The following RPS6KB1 variants were observed in gnomAD, a reference collection of about 807,000 sequenced individuals.
RPS6KB1 encodes the protein ribosomal protein S6 kinase beta-1.
In RPS6KB1, 12 loss-of-function variants were observed where a neutral mutation model predicts 70.2. That is an observed-to-expected ratio of 0.17 (90% CI 0.11 to 0.28). RPS6KB1 has a LOEUF of 0.28. Ranked by LOEUF, RPS6KB1 falls within the 10% of genes least tolerant of loss-of-function variation. The pLI, the probability that RPS6KB1 is intolerant of heterozygous loss-of-function variation, is 1.00. For missense variants in RPS6KB1, 270 were observed against 646.6 expected (o/e 0.42, Z 6.32); for synonymous variants, 175 against 211.2 (o/e 0.83, Z 1.49).
intron 1 of RPS6KB1, among the ~76,000 whole-genome samples, chr17:59,901,625 GAAAAAAA>G (rs58530265): frequency 3.8e-5 from 3 of 79,192 alleles, no homozygotes; most frequent in East Asian, 2.9e-4. Context: ...CCCTGTCTCT[GAAAAAAA>G]AAAAAAAAAA....
At chr17:59,928,916 A>T (rs974690412) in intron 5 of RPS6KB1, among the ~76,000 whole-genome samples, 5 of 152,194 alleles carry the variant, frequency 3.3e-5, no homozygotes, top group Admixed American at 2.6e-4. Context: ...CATTGAAGTG[A>T]CATTGTGTCC....
intron 1 of RPS6KB1, among the ~76,000 whole-genome samples, chr17:59,902,012 T>TAAAA (rs759292909): frequency 3.8e-5 from 2 of 53,034 alleles, no homozygotes; most frequent in Non-Finnish European, 3.8e-5. Context: ...AACCTGTCTC[T>TAAAA]AAAAAAAAAA....
At chr17:59,941,826 G>A (rs573148866) in intron 13 of RPS6KB1, among the ~76,000 whole-genome samples, 6 of 147,304 alleles carry the variant, frequency 4.1e-5, no homozygotes, top group Non-Finnish European at 7.5e-5. Context: ...TAGAGACAGG[G>A]TTTCACCATG....
chr17:59,935,374 A>G (rs1379026758), intron 10 of RPS6KB1, 74 bp downstream of exon 10: 5 of 793,206 alleles, frequency 6.3e-6, no homozygotes, highest in Non-Finnish European at 1.0e-5. Flanking sequence ...TTTAATGTAT[A>G]TTTTGAATAA....
chr17:59,937,838 A>G (rs1262297991), intron 12 of RPS6KB1, among the ~76,000 whole-genome samples: 5 of 152,190 alleles, frequency 3.3e-5, no homozygotes, highest in Admixed American at 6.5e-5. Flanking sequence ...ACCCATAACA[A>G]TATGTTTGTG....
Position 59,947,500 on chromosome 17 carries a change from G to T in RPS6KB1, c.*712G>T. The T allele has an allele frequency of 6.6e-7, 1 of 1,509,544 alleles. No homozygotes were observed. Among genetic ancestry groups the T allele is most frequent in the Non-Finnish European group, 8.9e-7 (1 of 1,123,812 alleles). 93.5% of individuals were successfully genotyped at this position (1,509,544 alleles called of 1,614,324 possible). A position where few individuals can be genotyped will look rare whatever the true frequency, so the allele number is the denominator to read the frequency against. On this transcript the variant is annotated 3_prime_UTR_variant, in exon 15 of 15. Transcript: ENST00000225577. ...TCGTTTGAGGGATTGGGGTGGACCT[G>T]GGGTTTATTTTCAGTAACCCAGCTG... is the stretch of plus-strand genomic sequence containing the variant.
At chr17:59,926,689 C>T in intron 5 of RPS6KB1, 107 bp downstream of exon 5, 1 of 943,266 alleles carries the variant, frequency 1.1e-6, no homozygotes, top group Non-Finnish European at 1.6e-6. Flanking sequence ...TCAAATAGTG[C>T]TTAAAATTGA....
At chr17:59,939,364 C>T (rs367670964) in intron 12 of RPS6KB1, among the ~76,000 whole-genome samples, 1 of 152,284 alleles carries the variant, frequency 6.6e-6, no homozygotes, top group East Asian at 1.9e-4. Context: ...CTACTGCAGC[C>T]TTGACTTCCC....
intron 1 of RPS6KB1, among the ~76,000 whole-genome samples, chr17:59,897,770 G>C (rs1411134000): frequency 6.6e-6 from 1 of 152,068 alleles, no homozygotes; most frequent in African/African-American, 2.4e-5. Flanking sequence ...CAGGAGACCA[G>C]CCTGGCCAAT....
At chr17:59,936,399 G>T (rs184350058) in intron 11 of RPS6KB1, 65 bp from the exon 12 acceptor site, 341 of 1,544,304 alleles carry the variant, frequency 2.2e-4, no homozygotes, top group Middle Eastern at 3.4e-4. Flanking sequence ...TCAAAAAGGT[G>T]ATTAATTTAT....
At chr17:59,924,898 G>C (rs532522989) in intron 4 of RPS6KB1, among the ~76,000 whole-genome samples, 1 of 151,124 alleles carries the variant, frequency 6.6e-6, no homozygotes, top group African/African-American at 2.4e-5. Context: ...GCGTGATCTC[G>C]GCTCACTGCA....
rs1258659999 is a variant in RPS6KB1, at chr17:59,926,871, G to A, written c.529+289G>A. 2.6e-5 allele frequency among the ~76,000 whole-genome samples: 4 copies of A among 152,120 alleles called. No homozygotes were observed. In the East Asian group the frequency reaches 7.7e-4, roughly 29 times the overall value. On this transcript the variant is annotated intron_variant, in intron 5 of 14. Coordinates refer to ENST00000225577, the MANE Select transcript of RPS6KB1 (RefSeq NM_003161.4). ...CTAAGTGATGCAGAGCCATCAAATT[G>A]TAGTGGGGTAAGATACTGTAATTTA...
At chr17:59,945,332 C>G (rs767415634) in intron 13 of RPS6KB1, 74 bp from the exon 14 acceptor site, 2 of 763,518 alleles carry the variant, frequency 2.6e-6, no homozygotes, top group Non-Finnish European at 4.6e-6. Flanking sequence ...GTAGGTATGT[C>G]AGACTGAACA....
Position 59,939,684 on chromosome 17 carries a change from A to G in RPS6KB1, c.1120-1152A>G, listed in dbSNP as rs139835367. 2.2e-3 allele frequency among the ~76,000 whole-genome samples: 335 copies of G among 152,286 alleles called. 2 individuals carry two copies. The highest frequency in any genetic ancestry group is 7.8e-3 in the African/African-American group (323 of 41,552). ...TTCTGAGTCCTTTTGACATGACCAC[A>G]TGGTCTGGTGTTGTACGAGAGAGCA... On this transcript the variant is annotated intron_variant, in intron 12 of 14. Transcript: ENST00000225577.
chr17:59,913,406 T>G (rs576210841), intron 3 of RPS6KB1, among the ~76,000 whole-genome samples: 11 of 152,368 alleles, frequency 7.2e-5, no homozygotes, highest in African/African-American at 2.6e-4. Context: ...TTTTTGCTAT[T>G]GTGTAGTGTT....
intron 12 of RPS6KB1, 131 bp downstream of exon 12, chr17:59,936,672 T>C: frequency 1.4e-6 from 1 of 724,532 alleles, no homozygotes; most frequent in South Asian, 1.7e-5. Context: ...ATAACAAGAC[T>C]CCATATCTAC....
intron 14 of RPS6KB1, 144 bp downstream of exon 14, chr17:59,945,662 T>A (rs1385111070): frequency 6.7e-6 from 4 of 601,220 alleles, no homozygotes; most frequent in Non-Finnish European, 1.2e-5. Context: ...ATATCTTACA[T>A]TGCAAAGGAC....
At chr17:59,930,369 ACGCTCTT>A in intron 6 of RPS6KB1, 195 bp downstream of exon 6, 1 of 564,504 alleles carries the variant, frequency 1.8e-6, no homozygotes, top group Non-Finnish European at 3.2e-6. Context: ...CTTGAGTGGA[ACGCTCTT>A]CACACCAGTT....
rs973777528 is a variant in RPS6KB1 at position 59,947,302 on chromosome 17, T to A, written c.*514T>A. On this transcript the variant is annotated 3_prime_UTR_variant, in exon 15 of 15. Transcript: ENST00000225577. ...CGTGCAAACAACCTGAATCTTTTTT[T>A]TATATAAATATATATTTTTCAAATA... The A allele has an allele frequency of 5.2e-5, 52 of 1,002,940 alleles. No homozygotes were observed. Among genetic ancestry groups the A allele is most frequent in the Non-Finnish European group, 5.9e-5 (49 of 824,698 alleles). The allele number at this position is 1,002,940 out of a possible 1,614,324, so 62.1% of individuals were successfully genotyped here.
Sources: allele counts gnomAD v4.1 joint callset (sites outside exome capture counted in the v4.1 genomes callset), GRCh38; gene constraint gnomAD v4.1.1; transcripts MANE v1.5; gene names NCBI Gene and HGNC (gene_info 2026-07-23, HGNC 2026-07-21).